The following PDSS2 variants were observed in gnomAD, a reference collection of about 807,000 sequenced individuals.
PDSS2 encodes the protein decaprenyl diphosphate synthase subunit 2, also known as all trans-polyprenyl-diphosphate synthase PDSS2.
In PDSS2, 31 loss-of-function variants were observed where a neutral mutation model predicts 44.5. The ratio of observed to expected loss-of-function variants is 0.70; its 90% confidence interval spans 0.52 to 0.94. The LOEUF is 0.94. Among genes scored for constraint, PDSS2 ranks in the 40% least tolerant of loss-of-function variants. The probability of loss-of-function intolerance (pLI) is 0.00; values close to 1 mark genes in which losing one functional copy is unlikely to be tolerated. For missense variants in PDSS2, 452 were observed against 482.2 expected, an observed-to-expected ratio of 0.94 and a Z score of 0.59; for synonymous variants, 157 against 180.3, an observed-to-expected ratio of 0.87 and a Z score of 1.03.
chr6:107,193,883 G>T (rs374925141), intron 6 of PDSS2, 29 bp from the exon 7 acceptor site: 10 of 1,481,498 alleles, frequency 6.7e-6, no homozygotes, highest in Middle Eastern at 3.4e-4. Flanking sequence ...AAATTAATTT[G>T]TTACTTCTCT....
chr6:107,437,598 C>G (rs915303070), intron 1 of PDSS2, among the ~76,000 whole-genome samples: 1 of 151,514 alleles, frequency 6.6e-6, no homozygotes, highest in Non-Finnish European at 1.5e-5. Context: ...TCTAGGACCT[C>G]CTCATTTCCA....
chr6:107,274,326 C>T (rs1000067681), intron 2 of PDSS2, 99 bp from the exon 3 acceptor site: 20 of 956,926 alleles, frequency 2.1e-5, no homozygotes, highest in African/African-American at 3.3e-5. Context: ...CATAGGTTGC[C>T]CCCCACTTTT....
At chr6:107,290,779 C>T (rs1484323516) in intron 2 of PDSS2, among the ~76,000 whole-genome samples, 1 of 152,136 alleles carries the variant, frequency 6.6e-6, no homozygotes, top group East Asian at 1.9e-4. Context: ...ACAATAGCAA[C>T]CCTGTCATCC....
intron 6 of PDSS2, among the ~76,000 whole-genome samples, chr6:107,207,399 A>G (rs1773018937): frequency 6.6e-6 from 1 of 152,130 alleles, no homozygotes; most frequent in Non-Finnish European, 1.5e-5. Flanking sequence ...AGGGTAAATA[A>G]CATGAAAAAA....
At chr6:107,354,450 G>A (rs145298805) in intron 1 of PDSS2, among the ~76,000 whole-genome samples, 26 of 152,320 alleles carry the variant, frequency 1.7e-4, no homozygotes, top group African/African-American at 5.5e-4. Flanking sequence ...TGTACACAGC[G>A]GCAGCTTTCA....
chr6:107,358,622 AT>A (rs1389178851), intron 1 of PDSS2, among the ~76,000 whole-genome samples: 2 of 152,184 alleles, frequency 1.3e-5, no homozygotes. Context: ...ATGATGAAAA[AT>A]TTGAGACTGA....
chr6:107,277,702 C>T (rs1775831342), intron 2 of PDSS2, among the ~76,000 whole-genome samples: 1 of 152,152 alleles, frequency 6.6e-6, no homozygotes, highest in African/African-American at 2.4e-5. Flanking sequence ...CCTGTAATCC[C>T]TGCACTATGG....
chr6:107,290,527 AC>A (rs1181182004), intron 2 of PDSS2, among the ~76,000 whole-genome samples: 1 of 149,364 alleles, frequency 6.7e-6, no homozygotes, highest in Admixed American at 6.7e-5. Context: ...CAATTTCTCC[AC>A]CCCCCGCCTC....
At chr6:107,381,855 AT>A (rs1244032311) in intron 1 of PDSS2, among the ~76,000 whole-genome samples, 2 of 152,176 alleles carry the variant, frequency 1.3e-5, no homozygotes. Context: ...CTTATTGCAA[AT>A]TTTTTACAGC....
At chr6:107,373,940 A>G (rs1282595155) in intron 1 of PDSS2, among the ~76,000 whole-genome samples, 1 of 152,226 alleles carries the variant, frequency 6.6e-6, no homozygotes, top group East Asian at 1.9e-4. Flanking sequence ...TCTTCTAAAG[A>G]AGGATCCTGT....
At chr6:107,305,860 C>G (rs1196648748) in intron 2 of PDSS2, among the ~76,000 whole-genome samples, 3 of 152,180 alleles carry the variant, frequency 2.0e-5, no homozygotes, top group Non-Finnish European at 4.4e-5. Context: ...CAGAAACTTA[C>G]AGTCTAGTGC....
Position 107,154,447 on chromosome 6 carries a change from A to T in PDSS2, c.*172T>A. On this transcript the variant is annotated 3_prime_UTR_variant, in exon 8 of 8. Transcript: ENST00000369037. ...AACTGCTTGACCTTTTTTTCTTCTA[A>T]TTTTGTTTGTAGCAGTTCCAAAAAG... 1.9e-5 allele frequency: 12 copies of T among 637,646 alleles called. No homozygotes were observed. Among genetic ancestry groups the T allele is most frequent in the Admixed American group, 1.6e-4 (6 of 36,700 alleles). The allele number at this position is 637,646 out of a possible 1,614,324, so 39.5% of individuals were successfully genotyped here. A position where few individuals can be genotyped will look rare whatever the true frequency, so the allele number is the denominator to read the frequency against.
In PDSS2 at chr6:107,459,363, C is replaced by T. The variant is rs1396133730; in HGVS notation, c.-78G>A. 13 of 1,189,482 alleles carry T rather than the reference C, an allele frequency of 1.1e-5. No individual in the cohort carries two copies. Among genetic ancestry groups the T allele is most frequent in the Non-Finnish European group, 1.4e-5 (11 of 811,220 alleles). The allele number at this position is 1,189,482 out of a possible 1,614,324, so 73.7% of individuals were successfully genotyped here. A position where few individuals can be genotyped will look rare whatever the true frequency, so the allele number is the denominator to read the frequency against. ...AAACAAACCAGGGGCAGAGGAGGAACTTACAGTAACTAAAAGGAAGCGGCA... is the reference window on the plus strand; with the variant it reads ...AAACAAACCAGGGGCAGAGGAGGAATTTACAGTAACTAAAAGGAAGCGGCA... On this transcript the variant is annotated 5_prime_UTR_variant, in exon 1 of 8. Transcript: ENST00000369037. This position sits in a 1 kb window ranked among gnomAD's most constrained non-coding sequence, Gnocchi z 4.3.
rs978269507 is a variant in PDSS2 at position 107,383,457 on chromosome 6, A to G, written c.297-49125T>C. Among the ~76,000 whole-genome samples the G allele has an allele frequency of 3.3e-5, 5 of 152,184 alleles. No individual in the cohort carries two copies. In the East Asian group the frequency reaches 9.6e-4, roughly 29 times the overall value. On this transcript the variant is annotated intron_variant, in intron 1 of 7. Transcript: ENST00000369037. Reference sequence around the variant, plus strand: ...GCATGAGAAACAAAATAAAAATTAGATAAAGTGGACTTCATCAAAATTAAA... The same window carrying G: ...GCATGAGAAACAAAATAAAAATTAGGTAAAGTGGACTTCATCAAAATTAAA...
At chr6:107,357,020 A>G (rs554132090) in intron 1 of PDSS2, among the ~76,000 whole-genome samples, 3 of 152,342 alleles carry the variant, frequency 2.0e-5, no homozygotes, top group South Asian at 2.1e-4. Flanking sequence ...AGGAAAAAAT[A>G]TCACTCTAAT....
At chr6:107,285,355 T>C (rs951495509) in intron 2 of PDSS2, among the ~76,000 whole-genome samples, 5 of 152,024 alleles carry the variant, frequency 3.3e-5, no homozygotes, top group Non-Finnish European at 7.4e-5. Context: ...TTTTAAAAAG[T>C]ATAGTATGGC....
At chr6:107,409,849 T>C in intron 1 of PDSS2, among the ~76,000 whole-genome samples, 1 of 152,188 alleles carries the variant, frequency 6.6e-6, no homozygotes, top group Non-Finnish European at 1.5e-5. Context: ...ACTGCATTTA[T>C]GATCACAGTG....
intron 4 of PDSS2, among the ~76,000 whole-genome samples, chr6:107,238,427 C>T (rs1774302686): frequency 6.6e-6 from 1 of 152,128 alleles, no homozygotes; most frequent in South Asian, 2.1e-4. Context: ...CAATGCAAAA[C>T]CACTAAAAAG....
intron 2 of PDSS2, among the ~76,000 whole-genome samples, chr6:107,274,845 G>T (rs1437495909): frequency 6.6e-6 from 1 of 151,750 alleles, no homozygotes; most frequent in Non-Finnish European, 1.5e-5. Flanking sequence ...GCTAACTTTT[G>T]TATTTTTGGT....
Sources: gnomAD v4.1 joint callset for allele counts (sites outside exome capture counted in the v4.1 genomes callset) on GRCh38, gnomAD v4.1.1 for gene constraint, Gnocchi (gnomAD v3.1) non-coding constraint, MANE v1.5 for transcripts, NCBI Gene and HGNC (gene_info 2026-07-23, HGNC 2026-07-21) for gene names.